Variants in PVT1 observed in about 807,000 individuals in gnomAD.
PVT1 encodes CXCR4/PVT1 fusion.
intron 3 of PVT1, among the ~76,000 whole-genome samples, chr8:127,930,395 G>A (rs941183697): frequency 3.9e-5 from 6 of 152,170 alleles, no homozygotes; most frequent in African/African-American, 1.4e-4. Flanking sequence ...CTGACCTCAG[G>A]TGATCCAACC....
At chr8:128,062,368 T>C (rs577269188) in intron 4 of PVT1, among the ~76,000 whole-genome samples, 1 of 152,310 alleles carries the variant, frequency 6.6e-6, no homozygotes, top group East Asian at 1.9e-4. Flanking sequence ...ACACAACATT[T>C]CCTAGGATAC....
At position 127,871,419 on chromosome 8, in the gene PVT1, A is replaced by G. The variant is rs545234119; in HGVS notation, n.373-19170A>G. Among the ~76,000 whole-genome samples, 9 of 152,336 alleles carry G rather than the reference A, an allele frequency of 5.9e-5. No individual in the cohort carries two copies. In the South Asian group the frequency reaches 1.9e-3, roughly 32 times the overall value. On this transcript the variant is annotated intron_variant and non_coding_transcript_variant, in intron 2 of 10. Transcript: ENST00000651587. ...ACATTAGCGAGGAGAGGGATGCTTCACATCCTAGGTTTGTGTGATGTCGGC... is the reference window on the plus strand; with the variant it reads ...ACATTAGCGAGGAGAGGGATGCTTCGCATCCTAGGTTTGTGTGATGTCGGC...
At chr8:128,005,112 C>G (rs1817230321) in intron 4 of PVT1, among the ~76,000 whole-genome samples, 1 of 151,838 alleles carries the variant, frequency 6.6e-6, no homozygotes. Flanking sequence ...TGCACTCCAG[C>G]CTGGGCAACA....
At chr8:127,888,367 G>T (rs1815552932) in intron 2 of PVT1, among the ~76,000 whole-genome samples, 1 of 152,170 alleles carries the variant, frequency 6.6e-6, no homozygotes, top group African/African-American at 2.4e-5. Flanking sequence ...TTCCATTTTG[G>T]GAATGAGTGG....
chr8:127,978,781 C>G (rs766715726), intron 3 of PVT1, among the ~76,000 whole-genome samples: 2 of 151,982 alleles, frequency 1.3e-5, no homozygotes, highest in Non-Finnish European at 2.9e-5. Flanking sequence ...TCACCGCACC[C>G]GGACCATTAT....
At chr8:127,830,445 GGA>G (rs1180150107) in intron 2 of PVT1, among the ~76,000 whole-genome samples, 6 of 151,870 alleles carry the variant, frequency 4.0e-5, no homozygotes, top group African/African-American at 1.5e-4. Flanking sequence ...CTTTATTTCA[GGA>G]GAGAGTGATG....
At chr8:127,959,316 G>A (rs576663407) in intron 3 of PVT1, among the ~76,000 whole-genome samples, 1 of 152,286 alleles carries the variant, frequency 6.6e-6, no homozygotes, top group South Asian at 2.1e-4. Context: ...GCTGGGCGCG[G>A]TGGCTCACGC....
chr8:127,846,237 T>TCTC (rs143889752), intron 2 of PVT1, among the ~76,000 whole-genome samples: 6,634 of 152,136 alleles, frequency 0.044, 518 homozygotes, highest in African/African-American at 0.15. Context: ...GTGGGAGAGT[T>TCTC]CTCCATTTTT....
intron 2 of PVT1, among the ~76,000 whole-genome samples, chr8:127,830,548 C>A (rs754169852): frequency 1.3e-5 from 2 of 151,758 alleles, no homozygotes; most frequent in Admixed American, 1.3e-4. Flanking sequence ...GACTTGCACA[C>A]GGATTGGATA....
At chr8:127,897,913 CAGGA>C (rs1815706225) in intron 3 of PVT1, among the ~76,000 whole-genome samples, 1 of 111,748 alleles carries the variant, frequency 8.9e-6, no homozygotes, top group Non-Finnish European at 1.8e-5. Flanking sequence ...AAAAGACAGA[CAGGA>C]AGGAAGAAAG....
At chr8:127,813,209 A>ATATAT (rs1814619635) in intron 2 of PVT1, among the ~76,000 whole-genome samples, 1 of 145,996 alleles carries the variant, frequency 6.8e-6, no homozygotes, top group Non-Finnish European at 1.5e-5. Context: ...TATAATATAC[A>ATATAT]AATATATATA....
intron 2 of PVT1, among the ~76,000 whole-genome samples, chr8:127,852,750 C>T (rs76446385): frequency 8.1e-4 from 124 of 152,262 alleles, no homozygotes; most frequent in African/African-American, 2.9e-3. Context: ...CTGCCCAGCC[C>T]TCCTCCCTCT....
intron 3 of PVT1, among the ~76,000 whole-genome samples, chr8:127,909,495 T>C (rs768448523): frequency 5.9e-5 from 9 of 152,188 alleles, no homozygotes; most frequent in Non-Finnish European, 1.2e-4. Flanking sequence ...AAAATGAGTG[T>C]GATAATAGCG....
At chr8:127,920,028 C>T (rs1269135517) in intron 3 of PVT1, among the ~76,000 whole-genome samples, 2 of 152,284 alleles carry the variant, frequency 1.3e-5, no homozygotes, top group African/African-American at 4.8e-5. Context: ...TCCTCTTGTC[C>T]CCAACAGTGG....
At chr8:128,055,156 C>G (rs78186959) in intron 4 of PVT1, among the ~76,000 whole-genome samples, 7,121 of 152,224 alleles carry the variant, frequency 0.047, 263 homozygotes, top group African/African-American at 0.1. Flanking sequence ...TCCCTACAGA[C>G]ACACACATGC....
At chr8:128,037,308 G>A (rs1392102717) in intron 4 of PVT1, among the ~76,000 whole-genome samples, 2 of 152,254 alleles carry the variant, frequency 1.3e-5, no homozygotes, top group Admixed American at 6.5e-5. Context: ...TATGTTCAGA[G>A]GGGAGTAATC....
At chr8:128,033,694 T>A (rs1034706025) in intron 4 of PVT1, among the ~76,000 whole-genome samples, 2 of 152,202 alleles carry the variant, frequency 1.3e-5, no homozygotes, top group African/African-American at 4.8e-5. Context: ...CCTTGAGAAC[T>A]GAAACTGACT....
intron 3 of PVT1, among the ~76,000 whole-genome samples, chr8:127,934,624 C>G (rs887439869): frequency 6.6e-6 from 1 of 152,210 alleles, no homozygotes; most frequent in Non-Finnish European, 1.5e-5. Flanking sequence ...AGATTCCAAA[C>G]TGACTCCTTC....
intron 5 of PVT1, among the ~76,000 whole-genome samples, chr8:128,075,036 A>G (rs1053419604): frequency 1.3e-5 from 2 of 152,200 alleles, no homozygotes; most frequent in African/African-American, 2.4e-5. Flanking sequence ...CCGTTGTACT[A>G]TTATATTCAT....
Sources: gnomAD v4.1 joint callset for allele counts (sites outside exome capture counted in the v4.1 genomes callset) on GRCh38, gnomAD v4.1.1 for gene constraint, MANE v1.5 for transcripts, NCBI Gene and HGNC (gene_info 2026-07-23, HGNC 2026-07-21) for gene names.